Variants in TSPAN8 observed in about 807,000 individuals in gnomAD.
The protein encoded by TSPAN8 is tetraspanin-8.
In TSPAN8, 21 loss-of-function variants were observed where a neutral mutation model predicts 32.8. The observed-to-expected ratio is 0.64, with a 90% CI of 0.45 to 0.92. The LOEUF (loss-of-function observed/expected upper bound fraction) is 0.92. Among genes scored for constraint, TSPAN8 ranks in the 40% least tolerant of loss-of-function variants. TSPAN8 has a pLI of 0.00. For missense variants in TSPAN8, 269 were observed against 281.9 expected (o/e 0.95, Z 0.33); for synonymous variants, 95 against 94.6 (o/e 1.00, Z -0.03).
intron 3 of TSPAN8, among the ~76,000 whole-genome samples, chr12:71,140,087 T>C (rs1296414122): frequency 6.7e-6 from 1 of 150,200 alleles, no homozygotes; most frequent in African/African-American, 2.5e-5. Context: ...TAATAGGTTT[T>C]TTTAAACCGT....
intron 6 of TSPAN8, among the ~76,000 whole-genome samples, chr12:71,137,404 A>G (rs1871735396): frequency 6.6e-6 from 1 of 152,124 alleles, no homozygotes; most frequent in South Asian, 2.1e-4. Flanking sequence ...TTCAAGACCA[A>G]CCTTACCAAC....
At chr12:71,126,729 T>A (rs933292575) in intron 8 of TSPAN8, among the ~76,000 whole-genome samples, 1 of 151,972 alleles carries the variant, frequency 6.6e-6, no homozygotes, top group Admixed American at 6.6e-5. Context: ...ATAACTTTTA[T>A]CCTACAAAGT....
In TSPAN8 at chr12:71,138,242, A is replaced by G. The variant is rs759456877; in HGVS notation, c.262-12T>C. 5.6e-6 allele frequency: 9 copies of G among 1,612,686 alleles called. No homozygotes were observed. The highest frequency in any genetic ancestry group is 1.7e-4 in the Middle Eastern group (1 of 6,042). On this transcript the variant is annotated splice_polypyrimidine_tract_variant and intron_variant, in intron 4 of 8. Transcript: ENST00000247829. Reference sequence around the variant, plus strand: ...AAGCCTATGAAAAACTGAAGAAGAGAAAAAGAAATATACATTATCCTCAGT... The same window carrying G: ...AAGCCTATGAAAAACTGAAGAAGAGGAAAAGAAATATACATTATCCTCAGT...
intron 5 of TSPAN8, 32 bp from the exon 6 acceptor site, chr12:71,138,092 C>T (rs768395170): frequency 6.8e-5 from 109 of 1,611,450 alleles, no homozygotes; most frequent in Admixed American, 2.4e-4. Flanking sequence ...ACATTATTCA[C>T]GCCACAAGGT....
chr12:71,136,611 T>A (rs974353514), intron 6 of TSPAN8, among the ~76,000 whole-genome samples: 2 of 152,210 alleles, frequency 1.3e-5, no homozygotes, highest in Admixed American at 6.5e-5. Flanking sequence ...GAGTTTACTC[T>A]TTAGAGAGTA....
intron 2 of TSPAN8, among the ~76,000 whole-genome samples, chr12:71,149,574 C>T (rs537527175): frequency 1.2e-4 from 18 of 152,278 alleles, no homozygotes; most frequent in Admixed American, 2.6e-4. Flanking sequence ...AAGTCAGGGA[C>T]CCCAAACAGA....
chr12:71,138,799 T>A (rs1420575880), intron 4 of TSPAN8, among the ~76,000 whole-genome samples: 3 of 152,186 alleles, frequency 2.0e-5, no homozygotes, highest in Non-Finnish European at 4.4e-5. Context: ...TCAGTAGGAA[T>A]GTTATTAGAG....
At chr12:71,126,509 T>C (rs781717031) in intron 8 of TSPAN8, among the ~76,000 whole-genome samples, 5 of 152,074 alleles carry the variant, frequency 3.3e-5, no homozygotes, top group Non-Finnish European at 7.4e-5. Context: ...GCAGACTAGA[T>C]AGTTAATATC....
At chr12:71,156,283 A>AAAAAAAAAAAAAAAG (rs1872438067) in intron 2 of TSPAN8, among the ~76,000 whole-genome samples, 1 of 144,438 alleles carries the variant, frequency 6.9e-6, no homozygotes, top group Admixed American at 6.9e-5. Context: ...CAAAAAAAAA[A>AAAAAAAAAAAAAAAG]CTAGAAACAA....
chr12:71,133,915 G>T (rs1304796122), intron 6 of TSPAN8, among the ~76,000 whole-genome samples: 1 of 152,080 alleles, frequency 6.6e-6, no homozygotes, highest in Admixed American at 6.6e-5. Context: ...AAAAAAAATG[G>T]CTGAGAAAAA....
intron 8 of TSPAN8, among the ~76,000 whole-genome samples, chr12:71,127,973 A>G (rs900514267): frequency 6.6e-6 from 1 of 152,188 alleles, no homozygotes; most frequent in African/African-American, 2.4e-5. Flanking sequence ...CATTTAAATC[A>G]TTCATTTCTT....
chr12:71,156,438 C>T (rs1256614778), intron 2 of TSPAN8, among the ~76,000 whole-genome samples: 1 of 151,122 alleles, frequency 6.6e-6, no homozygotes, highest in East Asian at 2.0e-4. Context: ...TAAATATTTG[C>T]AAAAGCAGCC....
intron 2 of TSPAN8, among the ~76,000 whole-genome samples, chr12:71,155,228 A>T (rs1872388137): frequency 6.6e-6 from 1 of 152,246 alleles, no homozygotes; most frequent in South Asian, 2.1e-4. Flanking sequence ...GAATATCATC[A>T]CTTTGAACCA....
chr12:71,138,901 G>A (rs1445306972), intron 4 of TSPAN8, among the ~76,000 whole-genome samples: 1 of 150,668 alleles, frequency 6.6e-6, no homozygotes, highest in Non-Finnish European at 1.5e-5. Context: ...TACTTTATTA[G>A]AGGAATAAGT....
Position 71,139,834 on chromosome 12 carries a change from T to C in TSPAN8, c.138A>G (p.Glu46=). ...CAACGTAGGAGCTAGAGCCTACATCTTCAGAACCAAAAATCTGAAGTAAAA... is the reference window on the plus strand; with the variant it reads ...CAACGTAGGAGCTAGAGCCTACATCCTCAGAACCAAAAATCTGAAGTAAAA... ...SNDSQAIFGS[E]DVGSSSYVAV... The change falls in exon 4 of 9, where the codon GAA becomes GAG. Residue 46 remains glutamate (E), a synonymous_variant. Coordinates refer to ENST00000247829, the MANE Select transcript of TSPAN8 (RefSeq NM_004616.3). 1 of 1,606,068 alleles carries C rather than the reference T, an allele frequency of 6.2e-7. No individual in the cohort carries two copies. The highest frequency in any genetic ancestry group is 8.5e-7 in the Non-Finnish European group (1 of 1,176,932).
At chr12:71,153,571 A>AT (rs1357985758) in intron 2 of TSPAN8, among the ~76,000 whole-genome samples, 9 of 152,242 alleles carry the variant, frequency 5.9e-5, no homozygotes, top group African/African-American at 2.2e-4. Flanking sequence ...ATTTGAAAAC[A>AT]TAAGGCCCTG....
chr12:71,139,564 T>C (rs1312955940), intron 4 of TSPAN8, 147 bp downstream of exon 4: 1 of 1,081,656 alleles, frequency 9.2e-7, no homozygotes, highest in East Asian at 2.4e-5. Flanking sequence ...ATCTAAGCCA[T>C]ATCAGCTTCC....
intron 2 of TSPAN8, among the ~76,000 whole-genome samples, chr12:71,146,347 T>G (rs1015904366): frequency 6.6e-6 from 1 of 152,174 alleles, no homozygotes; most frequent in African/African-American, 2.4e-5. Context: ...TCTAATATCA[T>G]GAAATTATTC....
At chr12:71,134,779 C>A (rs1871626706) in intron 6 of TSPAN8, among the ~76,000 whole-genome samples, 1 of 152,142 alleles carries the variant, frequency 6.6e-6, no homozygotes, top group Non-Finnish European at 1.5e-5. Context: ...GACCTCAGGA[C>A]TCCTTAGGGA....
Sources: gnomAD v4.1 joint callset for allele counts (sites outside exome capture counted in the v4.1 genomes callset) on GRCh38, gnomAD v4.1.1 for gene constraint, MANE v1.5 for transcripts, NCBI Gene and HGNC (gene_info 2026-07-23, HGNC 2026-07-21) for gene names.